The following VCL variants were observed in gnomAD, a reference collection of about 807,000 sequenced individuals.
The protein encoded by VCL is vinculin.
VCL carries 47 observed loss-of-function variants against 125.7 expected under a neutral mutation model. That is an observed-to-expected ratio of 0.37 (90% confidence interval 0.30 to 0.48). VCL has a LOEUF of 0.48. Ranked by LOEUF, VCL falls within the 20% of genes least tolerant of loss-of-function variation. VCL has a pLI of 0.99. For synonymous variants in VCL, 458 were observed against 514.6 expected (o/e 0.89, Z 1.49); for missense variants, 1,069 against 1,455.5 (o/e 0.73, Z 4.32).
intron 18 of VCL, among the ~76,000 whole-genome samples, chr10:74,109,989 G>T (rs1364288659): frequency 6.6e-6 from 1 of 151,920 alleles, no homozygotes; most frequent in African/African-American, 2.4e-5. Flanking sequence ...CTCTTGTGTC[G>T]ATTGTATTTC....
chr10:74,029,818 T>C (rs1002095016), intron 1 of VCL, among the ~76,000 whole-genome samples: 4 of 152,316 alleles, frequency 2.6e-5, no homozygotes, highest in Admixed American at 2.0e-4. Flanking sequence ...ATTTAATTTG[T>C]GTTTTTTTCT....
At position 74,119,157 on chromosome 10, in the gene VCL, C is replaced by CTATA; in HGVS notation, c.*991_*992insATAT. The CTATA allele has an allele frequency of 6.6e-6, 1 of 152,414 alleles. No individual in the cohort carries two copies. The highest frequency in any genetic ancestry group is 2.1e-4 in the South Asian group (1 of 4,820). The allele number at this position is 152,414 out of a possible 1,614,324, so 9.4% of individuals were successfully genotyped here. ...TTTAATTTTAACCAAAACATGTCTC[C>CTATA]TATCCTGGTTTTTGTAGCCTTCCTC... is the stretch of plus-strand genomic sequence containing the variant. On this transcript the variant is annotated 3_prime_UTR_variant, in exon 22 of 22. Coordinates refer to ENST00000211998, the MANE Select transcript of VCL (RefSeq NM_014000.3).
intron 1 of VCL, among the ~76,000 whole-genome samples, chr10:74,015,161 T>A (rs1840513960): frequency 6.6e-6 from 1 of 152,246 alleles, no homozygotes; most frequent in Non-Finnish European, 1.5e-5. Context: ...TACTCAGTAT[T>A]TCTAGTCTTT....
At position 74,065,585 on chromosome 10, in the gene VCL, AGAGGCT is replaced by A. The variant is rs111532767; in HGVS notation, c.240-5080_240-5075del. Among the ~76,000 whole-genome samples, 11 of 151,900 alleles carry A rather than the reference AGAGGCT, an allele frequency of 7.2e-5. 1 individual carries two copies. Among genetic ancestry groups the A allele is most frequent in the African/African-American group, 2.7e-4 (11 of 41,396 alleles). Reference sequence around the variant, plus strand: ...CTGTGCCTGTAGTCCCAGCTACTTGAGAGGCTGAGGTGGGAGGTGACCAGGAGGTCG... The same window carrying A: ...CTGTGCCTGTAGTCCCAGCTACTTGAGAGGTGGGAGGTGACCAGGAGGTCG... On this transcript the variant is annotated intron_variant, in intron 2 of 21. Coordinates refer to ENST00000211998, the MANE Select transcript of VCL (RefSeq NM_014000.3).
chr10:74,007,403 G>C (rs1840339630), intron 1 of VCL, among the ~76,000 whole-genome samples: 1 of 152,158 alleles, frequency 6.6e-6, no homozygotes, highest in Non-Finnish European at 1.5e-5. Flanking sequence ...GAGATGCTCT[G>C]TTATTACACT....
chr10:74,011,650 T>C (rs951311972), intron 1 of VCL, among the ~76,000 whole-genome samples: 2 of 152,228 alleles, frequency 1.3e-5, no homozygotes, highest in African/African-American at 4.8e-5. Flanking sequence ...CTGGAAGGCA[T>C]GATGTTTCTC....
At chr10:74,050,856 G>A (rs531224305) in intron 2 of VCL, among the ~76,000 whole-genome samples, 1 of 149,284 alleles carries the variant, frequency 6.7e-6, no homozygotes, top group Non-Finnish European at 1.5e-5. Context: ...CTGCATTTTT[G>A]ACCTAGAGCA....
chr10:73,999,542 C>T (rs927574389), intron 1 of VCL, among the ~76,000 whole-genome samples: 2 of 152,176 alleles, frequency 1.3e-5, no homozygotes, highest in African/African-American at 4.8e-5. Context: ...TGCTCCCCCA[C>T]TGAGCTGTGT....
At chr10:74,108,093 G>A (rs141659495) in intron 17 of VCL, among the ~76,000 whole-genome samples, 25 of 152,306 alleles carry the variant, frequency 1.6e-4, no homozygotes, top group Non-Finnish European at 2.5e-4. Flanking sequence ...AGTTGGTTGA[G>A]TACAAAATTG....
At position 74,085,687 on chromosome 10, in the gene VCL, G is replaced by A. The variant is rs918751956; in HGVS notation, c.1022+2174G>A. Among the ~76,000 whole-genome samples the A allele has an allele frequency of 5.3e-5, 8 of 152,078 alleles. 1 individual carries two copies. In the South Asian group the frequency reaches 1.2e-3, roughly 24 times the overall value. On this transcript the variant is annotated intron_variant, in intron 8 of 21. Coordinates refer to ENST00000211998, the MANE Select transcript of VCL (RefSeq NM_014000.3). ...TAGAATTTTATGGTATGGACATTAC[G>A]AAAACTTGGAATAGGATGAGACACT...
At position 74,101,004 on chromosome 10, in the gene VCL, G is replaced by A. The variant is rs1307934128; in HGVS notation, c.1929G>A (p.Thr643=). ...FENHSGKLGA[T]AEKAAAVGTA... Reference sequence around the variant, plus strand: ...ACCATTCAGGAAAGCTTGGTGCTACGGCCGAGAAGGCGGCTGCGGTTGGTA... The same window carrying A: ...ACCATTCAGGAAAGCTTGGTGCTACAGCCGAGAAGGCGGCTGCGGTTGGTA... Residue 643 remains threonine (T), a synonymous_variant, in exon 14 of 22, where the codon ACG becomes ACA. Transcript: ENST00000211998. 2.5e-6 allele frequency: 4 copies of A among 1,614,000 alleles called. No homozygotes were observed. The East Asian group carries it at 8.9e-5, about 36-fold the overall frequency.
chr10:74,114,345 C>G lies in VCL; in HGVS notation c.3111C>G (p.Ala1037=). The change falls in exon 20 of 22, where the codon GCC becomes GCG. Residue 1037 remains alanine (A), a synonymous_variant. Coordinates refer to ENST00000211998, the MANE Select transcript of VCL (RefSeq NM_014000.3). ...DEVTRLAKEV[A]KQCTDKRIRT... is the part of the protein sequence containing the mutation. Reference sequence around the variant, plus strand: ...TGACTCGGTTGGCCAAGGAGGTTGCCAAGCAGTGCACAGATAAACGGATTA... The same window carrying G: ...TGACTCGGTTGGCCAAGGAGGTTGCGAAGCAGTGCACAGATAAACGGATTA... 6.2e-7 allele frequency: 1 copy of G among 1,613,722 alleles called. No individual in the cohort carries two copies. The highest frequency in any genetic ancestry group is 1.3e-5 in the African/African-American group (1 of 74,826).
rs1449290312 is a variant in VCL at position 74,094,383 on chromosome 10, G to A, written c.1465G>A (p.Ala489Thr). ...TGTGGCCAACAGCAGACCGGCCAAA[G>A]CAGCTGTACACCTTGAGGGCAAGAT... ...RAVANSRPAKAAVHLEGKIEQ... is the reference protein window; with the variant it reads ...RAVANSRPAKTAVHLEGKIEQ... Residue 489 changes from alanine (A) to threonine (T), a missense_variant, in exon 11 of 22, where the codon GCA (alanine) becomes ACA (threonine). By Grantham distance (58) the Ala-to-Thr change is moderately conservative. Transcript: ENST00000211998. 1.2e-6 allele frequency: 2 copies of A among 1,614,084 alleles called. No individual in the cohort carries two copies. Among genetic ancestry groups the A allele is most frequent in the Non-Finnish European group, 1.7e-6 (2 of 1,180,038 alleles).
At chr10:74,062,255 G>A (rs1260834482) in intron 2 of VCL, among the ~76,000 whole-genome samples, 3 of 151,596 alleles carry the variant, frequency 2.0e-5, no homozygotes, top group Non-Finnish European at 4.4e-5. Context: ...TGTAAAAATG[G>A]GGTTTTGCCA....
chr10:74,031,934 C>T lies in VCL; in HGVS notation c.169-11149C>T, dbSNP rs191918165. Among the ~76,000 whole-genome samples the T allele has an allele frequency of 2.9e-4, 44 of 151,770 alleles. 1 individual carries two copies. Among genetic ancestry groups the T allele is most frequent in the African/African-American group, 1.0e-3 (43 of 41,406 alleles). On this transcript the variant is annotated intron_variant, in intron 1 of 21. Transcript: ENST00000211998. ...ACAAAATTAGCCAGGCGTGGTGGTG[C>T]GTGCCTGTAATCCCAGCTACTTGGG...
chr10:74,085,712 T>G (rs181734451), intron 8 of VCL, among the ~76,000 whole-genome samples: 2 of 152,258 alleles, frequency 1.3e-5, no homozygotes, highest in Admixed American at 1.3e-4. Context: ...GATGAGACAC[T>G]CATGAAACAT....
At chr10:74,077,781 C>T (rs970397108) in intron 6 of VCL, 14 of 453,012 alleles carry the variant, frequency 3.1e-5, no homozygotes, top group African/African-American at 2.6e-4. Flanking sequence ...AAAAGTGCGT[C>T]TTGCCGAATA....
At chr10:74,022,448 A>C (rs1840688431) in intron 1 of VCL, among the ~76,000 whole-genome samples, 1 of 151,900 alleles carries the variant, frequency 6.6e-6, no homozygotes, top group Non-Finnish European at 1.5e-5. Flanking sequence ...CCGGAGGCTA[A>C]GGCAGGAGAA....
chr10:74,099,499 T>C (rs989768073), intron 13 of VCL, among the ~76,000 whole-genome samples: 6 of 152,234 alleles, frequency 3.9e-5, no homozygotes, highest in Non-Finnish European at 8.8e-5. Context: ...CACTGTATTG[T>C]AAATCTGTTT....
Sources: gnomAD v4.1 joint callset for allele counts (sites outside exome capture counted in the v4.1 genomes callset) on GRCh38, gnomAD v4.1.1 for gene constraint, MANE v1.5 for transcripts, NCBI Gene and HGNC (gene_info 2026-07-23, HGNC 2026-07-21) for gene names.